The following BDKRB2 variants were observed in gnomAD, a reference collection of about 807,000 sequenced individuals.
BDKRB2 encodes bradykinin receptor B2, also known as B2 bradykinin receptor.
Under a neutral mutation model 4.0 loss-of-function variants are expected in BDKRB2, and 6 were observed. The ratio of observed to expected loss-of-function variants is 1.49; its 90% CI spans 0.81 to 2.93. The LOEUF (loss-of-function observed/expected upper bound fraction) is 2.93, where lower values mean the gene tolerates loss of function less well. Among genes scored for constraint, BDKRB2 ranks in the 30% most tolerant of loss-of-function variants. The pLI is 0.00. For synonymous variants in BDKRB2, 225 were observed against 215.3 expected (o/e 1.05, Z -0.40); for missense variants, 478 against 520.1 (o/e 0.92, Z 0.79).
intron 2 of BDKRB2, chr14:96,240,044 G>A (rs963475069): frequency 2.0e-6 from 2 of 1,021,540 alleles, no homozygotes; most frequent in South Asian, 9.3e-5. Context: ...CCCTTGGGAG[G>A]GCCCCGGTTG....
At chr14:96,208,552 G>GA (rs1890239059) in intron 1 of BDKRB2, among the ~76,000 whole-genome samples, 1 of 152,220 alleles carries the variant, frequency 6.6e-6, no homozygotes, top group African/African-American at 2.4e-5. Flanking sequence ...CTGATGTAGT[G>GA]AAAGGGGATG....
chr14:96,225,229 C>T (rs533977074), intron 1 of BDKRB2, among the ~76,000 whole-genome samples: 180 of 152,266 alleles, frequency 1.2e-3, no homozygotes, highest in African/African-American at 4.2e-3. Context: ...GTTACATCCC[C>T]TCATTCTCCC....
Position 96,241,757 on chromosome 14 carries a change from A to AC in BDKRB2, c.*254dup. The AC allele has an allele frequency of 1.9e-5, 8 of 417,044 alleles. No individual in the cohort carries two copies. The highest frequency in any genetic ancestry group is 1.7e-4 in the South Asian group (2 of 11,464). The allele number at this position is 417,044 out of a possible 1,614,324, so 25.8% of individuals were successfully genotyped here. On this transcript the variant is annotated 3_prime_UTR_variant, in exon 3 of 3. Transcript: ENST00000554311. The stretch of plus-strand genomic sequence containing the variant: ...AGCATTACTGTTCTTATTTGCTGCC[A>AC]CACCTGAGCCAGCCTGCTCCTTCCC...
rs764968612 is a variant in BDKRB2 at position 96,240,513 on chromosome 14, C to G, written c.185C>G (p.Pro62Arg). The G allele has an allele frequency of 1.3e-5, 20 of 1,576,802 alleles. No individual in the cohort carries two copies. Among genetic ancestry groups the G allele is most frequent in the African/African-American group, 2.7e-5 (2 of 73,884 alleles). ...WLGWLNTIQP[P>R]FLWVLFVLAT... ...GGCTGGCTCAACACCATCCAGCCCCCCTTCCTCTGGGTGCTGTTCGTGCTG... is the reference window on the plus strand; with the variant it reads ...GGCTGGCTCAACACCATCCAGCCCCGCTTCCTCTGGGTGCTGTTCGTGCTG... Residue 62 changes from proline to arginine, a missense_variant, in exon 3 of 3, where the codon CCC becomes CGC. Transcript: ENST00000554311.
At chr14:96,237,302 G>T in intron 2 of BDKRB2, 121 bp downstream of exon 2, 1 of 943,296 alleles carries the variant, frequency 1.1e-6, no homozygotes. Context: ...GTGATGTTAA[G>T]CCCAAAGACA....
At chr14:96,240,190 G>A in intron 2 of BDKRB2, 1 of 1,287,470 alleles carries the variant, frequency 7.8e-7, no homozygotes. Context: ...AAGAACATGA[G>A]GCCCCCGTTT....
chr14:96,235,518 C>T lies in BDKRB2; in HGVS notation c.-39-1551C>T, dbSNP rs1034635235. ...GAAGGATCAGAAGGACTGTGCTGCT[C>T]GTTGCATCCTTTGCAAGTTCCAAAC... On this transcript the variant is annotated intron_variant, in intron 1 of 2. Transcript: ENST00000554311. Among the ~76,000 whole-genome samples the T allele has an allele frequency of 1.6e-4, 24 of 152,140 alleles. 1 individual carries two copies. Among genetic ancestry groups the T allele is most frequent in the South Asian group, 4.1e-4 (2 of 4,834 alleles).
At chr14:96,237,679 C>T (rs1173573541) in intron 2 of BDKRB2, 13 of 1,286,974 alleles carry the variant, frequency 1.0e-5, no homozygotes, top group Admixed American at 6.9e-5. Flanking sequence ...AGAAACAAGG[C>T]TGAGGGGTCC....
intron 2 of BDKRB2, chr14:96,239,970 T>G (rs1260687415): frequency 1.0e-6 from 1 of 988,722 alleles, no homozygotes; most frequent in Non-Finnish European, 1.2e-6. Flanking sequence ...ATGATATCAT[T>G]TTTCTCTTTT....
In BDKRB2 at chr14:96,240,734, A is replaced by G; in HGVS notation, c.406A>G (p.Ile136Val). 6.3e-7 allele frequency: 1 copy of G among 1,597,894 alleles called. No homozygotes were observed. Among genetic ancestry groups the G allele is most frequent in the Non-Finnish European group, 8.5e-7 (1 of 1,173,038 alleles). ...GETLCRVVNA[I>V]ISMNLYSSIC... is the part of the protein sequence containing the mutation. ...GACGCTCTGCCGCGTGGTGAATGCC[A>G]TTATCTCCATGAACCTGTACAGCAG... The change falls in exon 3 of 3, where the codon ATT (isoleucine) becomes GTT (valine). Residue 136 changes from isoleucine (I) to valine (V), a missense_variant. Ile to Val is a conservative substitution (Grantham distance 29). Coordinates refer to ENST00000554311, the MANE Select transcript of BDKRB2 (RefSeq NM_001379692.1).
intron 2 of BDKRB2, 90 bp downstream of exon 2, chr14:96,237,271 G>T (rs541665562): frequency 4.9e-6 from 6 of 1,225,468 alleles, no homozygotes; most frequent in South Asian, 2.6e-5. Flanking sequence ...CTCATGCCCC[G>T]GACAACAGTT....
At chr14:96,228,631 A>G (rs945037) in intron 1 of BDKRB2, among the ~76,000 whole-genome samples, 26,265 of 152,156 alleles carry the variant, frequency 0.17, 2,499 homozygotes, top group Non-Finnish European at 0.22. Flanking sequence ...TTATGGGTAT[A>G]GGATGGGGGG....
chr14:96,238,297 C>A, intron 2 of BDKRB2: 1 of 461,358 alleles, frequency 2.2e-6, no homozygotes, highest in Non-Finnish European at 2.8e-6. Flanking sequence ...GTAAGCAATG[C>A]AAAAGGCCAA....
At position 96,241,572 on chromosome 14, in the gene BDKRB2, C is replaced by CAAGGCATT; in HGVS notation, c.*68_*69insAAGGCATT. 3.4e-6 allele frequency: 5 copies of CAAGGCATT among 1,486,040 alleles called. No homozygotes were observed. The highest frequency in any genetic ancestry group is 4.4e-6 in the Non-Finnish European group (5 of 1,125,594). The allele number at this position is 1,486,040 out of a possible 1,614,324, so 92.1% of individuals were successfully genotyped here. A position where few individuals can be genotyped will look rare whatever the true frequency, so the allele number is the denominator to read the frequency against. ...GGGACAGTTGCTTTTCAGCATGGGC[C>CAAGGCATT]CAGGAATGCCAAGGAGACATCTATG... On this transcript the variant is annotated 3_prime_UTR_variant, in exon 3 of 3. Coordinates refer to ENST00000554311, the MANE Select transcript of BDKRB2 (RefSeq NM_001379692.1).
chr14:96,227,682 C>A (rs967324914), intron 1 of BDKRB2, among the ~76,000 whole-genome samples: 5 of 144,698 alleles, frequency 3.5e-5, no homozygotes, highest in Non-Finnish European at 7.6e-5. Flanking sequence ...CGTGTGCACA[C>A]AAACACACAC....
intron 2 of BDKRB2, chr14:96,237,832 T>C: frequency 7.8e-7 from 1 of 1,289,768 alleles, no homozygotes; most frequent in Non-Finnish European, 1.0e-6. Context: ...CGATGGCTTC[T>C]CAGAGCCAGG....
At chr14:96,230,083 G>A (rs28535414) in intron 1 of BDKRB2, among the ~76,000 whole-genome samples, 33,125 of 151,522 alleles carry the variant, frequency 0.22, 3,671 homozygotes, top group African/African-American at 0.26. Context: ...GCAGTGAGCC[G>A]AGATCATGCC....
rs1451546814 is a variant in BDKRB2 at position 96,242,601 on chromosome 14, C to G, written c.*1097C>G. The G allele has an allele frequency of 6.6e-6, 1 of 152,284 alleles. No individual in the cohort carries two copies. Among genetic ancestry groups the G allele is most frequent in the Non-Finnish European group, 1.5e-5 (1 of 68,082 alleles). The allele number at this position is 152,284 out of a possible 1,614,324, so 9.4% of individuals were successfully genotyped here. A position where few individuals can be genotyped will look rare whatever the true frequency, so the allele number is the denominator to read the frequency against. ...TGCTCATTGGCTCCCTTCCACCTGT[C>G]ATTCCCACCACCCTGAGGCCCCAAC... On this transcript the variant is annotated 3_prime_UTR_variant, in exon 3 of 3. Transcript: ENST00000554311.
chr14:96,239,357 T>A (rs2069583), intron 2 of BDKRB2: 700,901 of 984,796 alleles, frequency 0.71, 249,651 homozygotes, highest in Admixed American at 0.79. Flanking sequence ...AGGTCAAGCA[T>A]TTTGCCCAAG....
Sources: allele counts gnomAD v4.1 joint callset (sites outside exome capture counted in the v4.1 genomes callset), GRCh38; gene constraint gnomAD v4.1.1; transcripts MANE v1.5; gene names NCBI Gene and HGNC (gene_info 2026-07-23, HGNC 2026-07-21).